ATG5: variants seen among roughly 807,000 people sequenced by gnomAD.
ATG5 encodes the protein autophagy related 5.
A neutral mutation model predicts 36.5 loss-of-function variants in ATG5; 14 were observed. The ratio of observed to expected loss-of-function variants is 0.38; its 90% CI spans 0.25 to 0.60. ATG5 has a LOEUF of 0.60. Ranked by LOEUF, ATG5 falls within the 20% of genes least tolerant of loss-of-function variation. The pLI is 0.60. For missense variants in ATG5, 195 were observed against 326.7 expected (o/e 0.60, Z 3.11); for synonymous variants, 95 against 101.5 (o/e 0.94, Z 0.38).
chr6:106,267,141 A>T (rs1779257345), intron 5 of ATG5, among the ~76,000 whole-genome samples: 1 of 152,252 alleles, frequency 6.6e-6, no homozygotes, highest in South Asian at 2.1e-4. Context: ...AAACTTCAGC[A>T]AAGTCTCAGC....
At position 106,325,622 on chromosome 6, in the gene ATG5, T is replaced by C. The variant is rs1189309536; in HGVS notation, c.-155A>G. ...GGGGCGGCGGGGCAAGCTGCCCGCC[T>C]GACACACTGTCCTGCGGGGACGCGG... On this transcript the variant is annotated 5_prime_UTR_variant, in exon 1 of 8. Transcript: ENST00000369076. 1 of 152,870 alleles carries C rather than the reference T, an allele frequency of 6.5e-6. No individual in the cohort carries two copies. Among genetic ancestry groups the C allele is most frequent in the Non-Finnish European group, 1.5e-5 (1 of 68,162 alleles). The allele number at this position is 152,870 out of a possible 1,614,324, so 9.5% of individuals were successfully genotyped here.
At chr6:106,269,817 C>G (rs968249587) in intron 5 of ATG5, among the ~76,000 whole-genome samples, 5 of 152,232 alleles carry the variant, frequency 3.3e-5, no homozygotes, top group Non-Finnish European at 7.3e-5. Flanking sequence ...CTGAGGGAGC[C>G]GGCTCCAGCC....
At chr6:106,251,129 G>A (rs908883960) in intron 5 of ATG5, among the ~76,000 whole-genome samples, 23 of 152,220 alleles carry the variant, frequency 1.5e-4, no homozygotes, top group Non-Finnish European at 2.1e-4. Context: ...CAATTTGCTT[G>A]CTCTGGAGGC....
intron 2 of ATG5, among the ~76,000 whole-genome samples, chr6:106,315,345 G>A (rs1019894646): frequency 2.0e-5 from 3 of 152,058 alleles, no homozygotes; most frequent in Non-Finnish European, 4.4e-5. Flanking sequence ...AAACAGTAAC[G>A]ACAATTGAGA....
chr6:106,196,381 G>T (rs979833847), intron 7 of ATG5, among the ~76,000 whole-genome samples: 5 of 152,116 alleles, frequency 3.3e-5, no homozygotes, highest in Non-Finnish European at 5.9e-5. Context: ...AAAACCAAAA[G>T]ACCACCAGGA....
chr6:106,210,044 A>G (rs1380821937), intron 6 of ATG5, among the ~76,000 whole-genome samples: 3 of 152,202 alleles, frequency 2.0e-5, no homozygotes, highest in African/African-American at 7.2e-5. Context: ...TTTGAGAAGC[A>G]CTAGTCTACA....
chr6:106,310,589 A>C (rs2114669515), intron 2 of ATG5, among the ~76,000 whole-genome samples: 1 of 152,142 alleles, frequency 6.6e-6, no homozygotes, highest in South Asian at 2.1e-4. Context: ...AAAATTTACC[A>C]TTTAAACCAT....
chr6:106,198,366 T>C (rs552621520), intron 7 of ATG5, among the ~76,000 whole-genome samples: 2 of 152,312 alleles, frequency 1.3e-5, no homozygotes, highest in East Asian at 3.9e-4. Context: ...TTTTAAAATA[T>C]GTAAATGTAT....
chr6:106,259,251 TG>T (rs1244637355), intron 5 of ATG5, among the ~76,000 whole-genome samples: 1 of 152,208 alleles, frequency 6.6e-6, no homozygotes, highest in Non-Finnish European at 1.5e-5. Flanking sequence ...ATTGGCTTAT[TG>T]TGGACTAAAT....
chr6:106,197,184 TA>T (rs1337855353), intron 7 of ATG5, among the ~76,000 whole-genome samples: 2 of 152,098 alleles, frequency 1.3e-5, no homozygotes, highest in African/African-American at 4.8e-5. Flanking sequence ...CAACATATTT[TA>T]AAAAGTAGAT....
At chr6:106,315,438 C>T (rs1770806115) in intron 2 of ATG5, among the ~76,000 whole-genome samples, 1 of 152,084 alleles carries the variant, frequency 6.6e-6, no homozygotes, top group Non-Finnish European at 1.5e-5. Context: ...TATACATGCA[C>T]TTAGAAAAGG....
At chr6:106,188,029 CTTTAT>C (rs1775837957) in intron 7 of ATG5, among the ~76,000 whole-genome samples, 1 of 152,056 alleles carries the variant, frequency 6.6e-6, no homozygotes, top group Admixed American at 6.5e-5. Context: ...TAAAAAAATG[CTTTAT>C]TTTTTCTTTG....
chr6:106,251,404 T>C (rs1245081574), intron 5 of ATG5, among the ~76,000 whole-genome samples: 1 of 151,788 alleles, frequency 6.6e-6, no homozygotes, highest in Non-Finnish European at 1.5e-5. Context: ...GTAAAATATA[T>C]AGTTTTCTTA....
At position 106,189,719 on chromosome 6, in the gene ATG5, C is replaced by A. The variant is rs952298198; in HGVS notation, c.692-3043G>T. On this transcript the variant is annotated intron_variant, in intron 7 of 7. Coordinates refer to ENST00000369076, the MANE Select transcript of ATG5 (RefSeq NM_004849.4). ...AAACACCTGATACTGTTAAAGTAAA[C>A]AATATTTTTGGTAAACATGTCTTTT... Among the ~76,000 whole-genome samples, 3 of 149,566 alleles carry A rather than the reference C, an allele frequency of 2.0e-5. No homozygotes were observed. The East Asian group carries it at 5.9e-4, about 29-fold the overall frequency.
intron 2 of ATG5, among the ~76,000 whole-genome samples, chr6:106,309,322 A>G (rs1770561699): frequency 6.6e-6 from 1 of 152,182 alleles, no homozygotes; most frequent in Non-Finnish European, 1.5e-5. Flanking sequence ...ATATACAGAA[A>G]GAGATATTCT....
intron 6 of ATG5, among the ~76,000 whole-genome samples, chr6:106,236,825 G>T (rs558017430): frequency 1.3e-5 from 2 of 152,224 alleles, no homozygotes; most frequent in East Asian, 3.9e-4. Context: ...TATGCCCCAT[G>T]AAAGCAAACA....
At chr6:106,280,938 T>G (rs1397638761) in intron 4 of ATG5, among the ~76,000 whole-genome samples, 1 of 152,132 alleles carries the variant, frequency 6.6e-6, no homozygotes, top group East Asian at 1.9e-4. Context: ...AACATTATTT[T>G]ACAAAGTTAT....
intron 5 of ATG5, among the ~76,000 whole-genome samples, chr6:106,269,910 G>A (rs991562725): frequency 1.3e-5 from 2 of 152,234 alleles, no homozygotes; most frequent in Non-Finnish European, 2.9e-5. Context: ...CCCAGGCAGA[G>A]GAGACGCCGA....
intron 6 of ATG5, among the ~76,000 whole-genome samples, chr6:106,247,738 C>T (rs1326224939): frequency 2.0e-5 from 3 of 152,150 alleles, no homozygotes; most frequent in African/African-American, 7.2e-5. Flanking sequence ...AAAAGCATGG[C>T]ACTACATACA....
Sources: gnomAD v4.1 joint callset for allele counts (sites outside exome capture counted in the v4.1 genomes callset) on GRCh38, gnomAD v4.1.1 for gene constraint, MANE v1.5 for transcripts, NCBI Gene and HGNC (gene_info 2026-07-23, HGNC 2026-07-21) for gene names.